APH1B: variants seen among roughly 807,000 people sequenced by gnomAD.
APH1B encodes the protein gamma-secretase subunit APH-1B.
Under a neutral mutation model 28.2 loss-of-function variants are expected in APH1B, and 27 were observed. The observed-to-expected ratio is 0.96, with a 90% confidence interval of 0.70 to 1.32. The LOEUF (loss-of-function observed/expected upper bound fraction) is 1.32, where lower values mean the gene tolerates loss of function less well. APH1B is among the 40% of genes most tolerant of loss of function. The pLI, the probability that APH1B is intolerant of heterozygous loss-of-function variation, is 0.00. For synonymous variants in APH1B, 141 were observed against 124.6 expected (o/e 1.13, Z -0.88); for missense variants, 305 against 313.6 (o/e 0.97, Z 0.21).
chr15:63,298,324 C>T (rs1041568324), intron 4 of APH1B, among the ~76,000 whole-genome samples: 1 of 152,152 alleles, frequency 6.6e-6, no homozygotes, highest in Non-Finnish European at 1.5e-5. Flanking sequence ...AATCCTCCCA[C>T]GTCAGCCTCC....
At chr15:63,297,294 G>T (rs1567031365) in intron 4 of APH1B, among the ~76,000 whole-genome samples, 1 of 152,166 alleles carries the variant, frequency 6.6e-6, no homozygotes, top group African/African-American at 2.4e-5. Context: ...GGAAGCTGAG[G>T]TGGGCAGATT....
intron 4 of APH1B, among the ~76,000 whole-genome samples, chr15:63,299,375 G>A (rs1197592171): frequency 2.6e-5 from 4 of 152,098 alleles, no homozygotes; most frequent in Non-Finnish European, 5.9e-5. Flanking sequence ...TGAAACTCCT[G>A]TAAATGAGAG....
At chr15:63,283,793 A>G (rs72748916) in intron 2 of APH1B, among the ~76,000 whole-genome samples, 5,239 of 152,256 alleles carry the variant, frequency 0.034, 130 homozygotes, top group South Asian at 0.077. Context: ...ACTGGCACCT[A>G]TGTATTCTTC....
chr15:63,300,866 A>C (rs1163676046), intron 4 of APH1B, among the ~76,000 whole-genome samples: 1 of 152,248 alleles, frequency 6.6e-6, no homozygotes, highest in African/African-American at 2.4e-5. Flanking sequence ...TTCTTGAGAT[A>C]ATTTATATCG....
At chr15:63,296,415 CTTAG>C (rs2038568645) in intron 4 of APH1B, among the ~76,000 whole-genome samples, 1 of 152,208 alleles carries the variant, frequency 6.6e-6, no homozygotes, top group African/African-American at 2.4e-5. Context: ...CTTGCTCTGA[CTTAG>C]TTAGAGATAC....
chr15:63,284,593 G>A (rs2038426864), intron 2 of APH1B, among the ~76,000 whole-genome samples: 1 of 152,008 alleles, frequency 6.6e-6, no homozygotes, highest in Admixed American at 6.6e-5. Flanking sequence ...GGGGGGTGAT[G>A]CATTATGCTA....
At chr15:63,305,028 TC>T (rs2038672086) in intron 5 of APH1B, among the ~76,000 whole-genome samples, 1 of 152,248 alleles carries the variant, frequency 6.6e-6, no homozygotes, top group Non-Finnish European at 1.5e-5. Context: ...AATTATGCTG[TC>T]CTAGCATTCA....
rs953291649 is a variant in APH1B at position 63,304,952 on chromosome 15, A to G, written c.607-662A>G. Among the ~76,000 whole-genome samples, 2 of 152,218 alleles carry G rather than the reference A, an allele frequency of 1.3e-5. No homozygotes were observed. Among genetic ancestry groups the G allele is most frequent in the African/African-American group, 4.8e-5 (2 of 41,464 alleles). The stretch of plus-strand genomic sequence containing the variant: ...ACCTGTAAAATCTACCACTTTCTTC[A>G]GGCCTTCTTTGACAGCCCTAAGGAG... On this transcript the variant is annotated intron_variant, in intron 5 of 5. Coordinates refer to ENST00000261879, the MANE Select transcript of APH1B (RefSeq NM_031301.4). The surrounding 1 kb of genome is among the most constrained non-coding windows in gnomAD (Gnocchi z 5.1).
rs776368262 is a variant in APH1B, at chr15:63,287,488, C to A, written c.420C>A (p.Ser140=). The part of the protein sequence containing the change: ...VFSFVNTLSD[S]LGPGTVGIHG... ...CCTTTGTGAATACCCTATCTGACTC[C>A]TTGGGGCCAGGCACAGTGGGCATTC... Residue 140 remains serine, a synonymous_variant, in exon 4 of 6, where the codon TCC becomes TCA. Transcript: ENST00000261879. The A allele has an allele frequency of 6.2e-6, 10 of 1,614,008 alleles. No homozygotes were observed. Among genetic ancestry groups the A allele is most frequent in the Admixed American group, 3.3e-5 (2 of 60,012 alleles).
At chr15:63,285,699 T>G (rs975405987) in intron 2 of APH1B, among the ~76,000 whole-genome samples, 10 of 152,232 alleles carry the variant, frequency 6.6e-5, no homozygotes, top group Admixed American at 2.0e-4. Context: ...CTCGAACTCC[T>G]GGATGCAAGT....
At chr15:63,291,020 G>A (rs1159145138) in intron 4 of APH1B, among the ~76,000 whole-genome samples, 1 of 152,144 alleles carries the variant, frequency 6.6e-6, no homozygotes, top group Non-Finnish European at 1.5e-5. Flanking sequence ...ATTGTTCACA[G>A]GGCAAAGGAA....
At position 63,308,357 on chromosome 15, in the gene APH1B, T is replaced by G. The variant is rs967390174; in HGVS notation, c.*2576T>G. On this transcript the variant is annotated 3_prime_UTR_variant, in exon 6 of 6. Transcript: ENST00000261879. ...ATTACTAGTTATAACTGGAGAAATT[T>G]TGTTACCTCTATCCTGGCTTGCCTG... 9.1e-4 allele frequency: 139 copies of G among 152,236 alleles called. No individual in the cohort carries two copies. The highest frequency in any genetic ancestry group is 3.3e-3 in the African/African-American group (136 of 41,458). The allele number at this position is 152,236 out of a possible 1,614,324, so 9.4% of individuals were successfully genotyped here.
chr15:63,302,156 A>G (rs2038636479), intron 4 of APH1B, among the ~76,000 whole-genome samples, 189 bp from the exon 5 acceptor site: 1 of 152,196 alleles, frequency 6.6e-6, no homozygotes, highest in Non-Finnish European at 1.5e-5. Flanking sequence ...TCTAGACAAG[A>G]AGCTGTGGCA....
chr15:63,277,867 G>T (rs373193933), intron 1 of APH1B, 131 bp downstream of exon 1: 37 of 869,846 alleles, frequency 4.3e-5, no homozygotes, highest in South Asian at 3.7e-4. Flanking sequence ...GTTGAGAGGG[G>T]GAGAGCGGAG....
chr15:63,299,976 A>G (rs1389565467), intron 4 of APH1B, among the ~76,000 whole-genome samples: 1 of 152,072 alleles, frequency 6.6e-6, no homozygotes, highest in Non-Finnish European at 1.5e-5. Context: ...GGGACTCCAG[A>G]CGTGAAGGTG....
intron 5 of APH1B, 155 bp downstream of exon 5, chr15:63,302,627 C>G: frequency 1.0e-6 from 1 of 979,664 alleles, no homozygotes; most frequent in Non-Finnish European, 1.4e-6. Flanking sequence ...TAAGTCTTAC[C>G]ACAAAAAGAC....
At chr15:63,291,455 A>G (rs1325606166) in intron 4 of APH1B, among the ~76,000 whole-genome samples, 1 of 152,250 alleles carries the variant, frequency 6.6e-6, no homozygotes, top group Non-Finnish European at 1.5e-5. Context: ...AACGTTTCAC[A>G]AGGGAAAACC....
At position 63,305,961 on chromosome 15, in the gene APH1B, G is replaced by C; in HGVS notation, c.*180G>C. ...CTCCGAAAGGGGTGCTCAGTGGTGTGCGTCCTGGCTGCACGAGAATCACCT... is the reference window on the plus strand; with the variant it reads ...CTCCGAAAGGGGTGCTCAGTGGTGTCCGTCCTGGCTGCACGAGAATCACCT... On this transcript the variant is annotated 3_prime_UTR_variant, in exon 6 of 6. Transcript: ENST00000261879. 1.3e-6 allele frequency: 1 copy of C among 765,656 alleles called. No homozygotes were observed. Among genetic ancestry groups the C allele is most frequent in the Admixed American group, 3.1e-5 (1 of 32,132 alleles). 47.4% of individuals were successfully genotyped at this position (765,656 alleles called of 1,614,324 possible).
rs1316540316 is a variant in APH1B, at chr15:63,307,593, A to G, written c.*1812A>G. Reference sequence around the variant, plus strand: ...CATTTATTGTACAACATCAAGGGGAATAGGATACTCATCAAACTGGGATTA... The same window carrying G: ...CATTTATTGTACAACATCAAGGGGAGTAGGATACTCATCAAACTGGGATTA... On this transcript the variant is annotated 3_prime_UTR_variant, in exon 6 of 6. Coordinates refer to ENST00000261879, the MANE Select transcript of APH1B (RefSeq NM_031301.4). 1 of 152,232 alleles carries G rather than the reference A, an allele frequency of 6.6e-6. No homozygotes were observed. The highest frequency in any genetic ancestry group is 1.9e-4 in the East Asian group (1 of 5,202). The allele number at this position is 152,232 out of a possible 1,614,324, so 9.4% of individuals were successfully genotyped here.
Sources: gnomAD v4.1 joint callset for allele counts (sites outside exome capture counted in the v4.1 genomes callset) on GRCh38, gnomAD v4.1.1 for gene constraint, Gnocchi (gnomAD v3.1) non-coding constraint, MANE v1.5 for transcripts, NCBI Gene and HGNC (gene_info 2026-07-23, HGNC 2026-07-21) for gene names.